The following PEX5L variants were observed in gnomAD, a reference collection of about 807,000 sequenced individuals.
PEX5L encodes the protein peroxisomal biogenesis factor 5 like, also known as PEX5-related protein.
In PEX5L, 30 loss-of-function variants were observed where a neutral mutation model predicts 84.0. That is an observed-to-expected ratio of 0.36 (90% CI 0.27 to 0.48). The LOEUF is 0.48. PEX5L is among the 20% of genes least tolerant of loss of function. The probability of loss-of-function intolerance (pLI) is 0.99; values close to 1 mark genes in which losing one functional copy is unlikely to be tolerated. For missense variants in PEX5L, 533 were observed against 754.6 expected (o/e 0.71, Z 3.44); for synonymous variants, 270 against 283.1 (o/e 0.95, Z 0.46).
chr3:179,898,282 G>T, intron 2 of PEX5L, 36 bp from the exon 3 acceptor site: 1 of 1,390,990 alleles, frequency 7.2e-7, no homozygotes, highest in South Asian at 1.2e-5. Flanking sequence ...TGTGTCAGGA[G>T]AGATCTTTAA....
intron 1 of PEX5L, among the ~76,000 whole-genome samples, chr3:179,985,970 G>T (rs1786774174): frequency 6.6e-6 from 1 of 152,004 alleles, no homozygotes; most frequent in South Asian, 2.1e-4. Flanking sequence ...TGGCATTCAG[G>T]GGCTATACTG....
intron 7 of PEX5L, among the ~76,000 whole-genome samples, chr3:179,860,790 T>C (rs1745818705): frequency 6.6e-6 from 1 of 152,228 alleles, no homozygotes; most frequent in Non-Finnish European, 1.5e-5. Flanking sequence ...ATTTTCAAGA[T>C]GATGATGTTG....
At chr3:179,957,695 G>C (rs145778092) in intron 2 of PEX5L, among the ~76,000 whole-genome samples, 111 of 152,288 alleles carry the variant, frequency 7.3e-4, no homozygotes, top group Non-Finnish European at 1.4e-3. Flanking sequence ...TTTTGTGCCA[G>C]GTGTAGAATT....
intron 2 of PEX5L, among the ~76,000 whole-genome samples, chr3:179,964,075 T>C (rs1270659214): frequency 6.6e-6 from 1 of 152,120 alleles, no homozygotes; most frequent in East Asian, 1.9e-4. Context: ...CATTATTTCA[T>C]TATTCCTGTG....
At chr3:179,984,494 C>T (rs774352477) in intron 1 of PEX5L, among the ~76,000 whole-genome samples, 1 of 151,956 alleles carries the variant, frequency 6.6e-6, no homozygotes, top group Non-Finnish European at 1.5e-5. Context: ...TAAGCGTGAA[C>T]AGATATAAGC....
intron 1 of PEX5L, among the ~76,000 whole-genome samples, chr3:180,003,078 T>C (rs1019052983): frequency 1.3e-5 from 2 of 152,196 alleles, no homozygotes; most frequent in African/African-American, 4.8e-5. Context: ...TTCTGTGTTA[T>C]TAACGGAGAT....
At chr3:179,829,522 CTT>C (rs1393209206) in intron 8 of PEX5L, among the ~76,000 whole-genome samples, 1 of 152,094 alleles carries the variant, frequency 6.6e-6, no homozygotes, top group Non-Finnish European at 1.5e-5. Context: ...GGGAGTAACA[CTT>C]TGCTGATAGG....
chr3:179,988,388 CAATAAATA>C (rs56669562), intron 1 of PEX5L, among the ~76,000 whole-genome samples: 4 of 143,520 alleles, frequency 2.8e-5, no homozygotes, highest in East Asian at 2.0e-4. Context: ...AAATCTGCCT[CAATAAATA>C]AATAAATAAA....
chr3:179,963,629 T>A (rs189446229), intron 2 of PEX5L, among the ~76,000 whole-genome samples: 4 of 152,344 alleles, frequency 2.6e-5, no homozygotes, highest in Non-Finnish European at 5.9e-5. Flanking sequence ...GATTATATAC[T>A]GTTTAAAATT....
intron 8 of PEX5L, among the ~76,000 whole-genome samples, chr3:179,835,515 C>CT (rs1734621685): frequency 6.6e-6 from 1 of 152,000 alleles, no homozygotes; most frequent in South Asian, 2.1e-4. Flanking sequence ...GTGGCTTTGT[C>CT]TTTTTTCTCT....
At chr3:179,905,277 C>CT (rs35550522) in intron 2 of PEX5L, among the ~76,000 whole-genome samples, 60,149 of 145,212 alleles carry the variant, frequency 0.41, 13,140 homozygotes, top group East Asian at 0.77. Flanking sequence ...AATCTGTGTC[C>CT]TTTTTTTTTT....
At chr3:179,924,837 G>A (rs538478831) in intron 2 of PEX5L, among the ~76,000 whole-genome samples, 1 of 151,788 alleles carries the variant, frequency 6.6e-6, no homozygotes, top group Non-Finnish European at 1.5e-5. Context: ...GCAGTATGTT[G>A]CACATAAGAG....
chr3:179,955,107 T>C (rs1780156049), intron 2 of PEX5L, among the ~76,000 whole-genome samples: 1 of 152,210 alleles, frequency 6.6e-6, no homozygotes, highest in South Asian at 2.1e-4. Context: ...GACACATATA[T>C]TTATTTTATT....
At position 179,794,991 on chromosome 3, in the gene PEX5L, CAA is replaced by C. The variant is rs1180691485; in HGVS notation, c.*6835_*6836del. On this transcript the variant is annotated 3_prime_UTR_variant, in exon 15 of 15. Transcript: ENST00000467460. Reference sequence around the variant, plus strand: ...AATATTTTTATTCTAAAAAGAATCACAAAATTCAATTTCAGGTTAAATAATAT... The same window carrying C: ...AATATTTTTATTCTAAAAAGAATCACAATTCAATTTCAGGTTAAATAATAT... 6.6e-6 allele frequency: 1 copy of C among 152,066 alleles called. No homozygotes were observed. Among genetic ancestry groups the C allele is most frequent in the Non-Finnish European group, 1.5e-5 (1 of 67,996 alleles). The allele number at this position is 152,066 out of a possible 1,614,324, so 9.4% of individuals were successfully genotyped here. A position where few individuals can be genotyped will look rare whatever the true frequency, so the allele number is the denominator to read the frequency against.
chr3:179,953,772 A>C (rs1779733636), intron 2 of PEX5L, among the ~76,000 whole-genome samples: 1 of 152,168 alleles, frequency 6.6e-6, no homozygotes. Flanking sequence ...ACCAAAAGCA[A>C]AGGTGCAAAC....
chr3:179,941,264 G>A (rs1446806328), intron 2 of PEX5L, among the ~76,000 whole-genome samples: 3 of 152,118 alleles, frequency 2.0e-5, no homozygotes, highest in South Asian at 2.1e-4. Context: ...GCATTTATAC[G>A]TTCACATTGT....
intron 8 of PEX5L, among the ~76,000 whole-genome samples, chr3:179,848,551 CAAAAA>C (rs377561010): frequency 3.1e-5 from 3 of 95,788 alleles, no homozygotes; most frequent in Admixed American, 1.2e-4. Context: ...AAACCTCTCT[CAAAAA>C]AAAAAAAAAA....
chr3:179,982,778 T>A (rs761780678), intron 1 of PEX5L, among the ~76,000 whole-genome samples: 11 of 152,240 alleles, frequency 7.2e-5, no homozygotes, highest in Non-Finnish European at 1.5e-4. Flanking sequence ...TGCATTCTTA[T>A]AAAATTGTCC....
At chr3:180,031,213 G>T (rs1206343520) in intron 1 of PEX5L, among the ~76,000 whole-genome samples, 1 of 152,112 alleles carries the variant, frequency 6.6e-6, no homozygotes, top group Admixed American at 6.5e-5. Flanking sequence ...GATAGTTAAT[G>T]AATAGAGTAT....
Sources: gnomAD v4.1 joint callset for allele counts (sites outside exome capture counted in the v4.1 genomes callset) on GRCh38, gnomAD v4.1.1 for gene constraint, MANE v1.5 for transcripts, NCBI Gene and HGNC (gene_info 2026-07-23, HGNC 2026-07-21) for gene names.